The following KIAA1958 variants were observed in gnomAD, a reference collection of about 807,000 sequenced individuals.
The protein encoded by KIAA1958 is uncharacterized protein KIAA1958.
KIAA1958 carries 14 observed loss-of-function variants against 47.2 expected under a neutral mutation model. That is an observed-to-expected ratio of 0.30 (90% CI 0.20 to 0.46). The LOEUF (loss-of-function observed/expected upper bound fraction) is 0.46, where lower values mean the gene tolerates loss of function less well. Ranked by LOEUF, KIAA1958 falls within the 20% of genes least tolerant of loss-of-function variation. The pLI is 1.00. For missense variants in KIAA1958, 803 were observed against 909.2 expected (o/e 0.88, Z 1.50); for synonymous variants, 354 against 353.3 (o/e 1.00, Z -0.02).
chr9:112,540,174 A>T (rs896049133), intron 1 of KIAA1958, among the ~76,000 whole-genome samples: 2 of 152,202 alleles, frequency 1.3e-5, no homozygotes, highest in Non-Finnish European at 2.9e-5. Context: ...AGGATATATG[A>T]TAGGTTGCCA....
In KIAA1958 at chr9:112,502,187, A is replaced by G. The variant is rs148806283; in HGVS notation, c.-25+15069A>G. ...TTCTTATAAAACTTTGAAGTATAGT[A>G]TACTTACAAAAGATGAACATATCAA... On this transcript the variant is annotated intron_variant, in intron 1 of 3. Transcript: ENST00000337530. 2.9e-3 allele frequency among the ~76,000 whole-genome samples: 436 copies of G among 152,356 alleles called. 5 individuals are homozygous for G. Among genetic ancestry groups the G allele is most frequent in the Middle Eastern group, 0.014 (4 of 294 alleles).
chr9:112,580,431 C>G (rs529468779), intron 2 of KIAA1958, among the ~76,000 whole-genome samples: 1 of 151,648 alleles, frequency 6.6e-6, no homozygotes, highest in Non-Finnish European at 1.5e-5. Context: ...TATATATATA[C>G]ATAGACACAT....
intron 2 of KIAA1958, among the ~76,000 whole-genome samples, chr9:112,591,330 C>T (rs141896231): frequency 1.3e-5 from 2 of 152,018 alleles, no homozygotes; most frequent in Non-Finnish European, 2.9e-5. Context: ...ATGATCCGCC[C>T]GTCTCGGCCT....
rs928701551 is a variant in KIAA1958 at position 112,665,631 on chromosome 9, G to A, written c.*5562G>A. 1 of 152,142 alleles carries A rather than the reference G, an allele frequency of 6.6e-6. No individual in the cohort carries two copies. Among genetic ancestry groups the A allele is most frequent in the Non-Finnish European group, 1.5e-5 (1 of 68,026 alleles). The allele number at this position is 152,142 out of a possible 1,614,324, so 9.4% of individuals were successfully genotyped here. On this transcript the variant is annotated 3_prime_UTR_variant, in exon 4 of 4. Transcript: ENST00000337530. ...TATTTCATCTCTCAAGCCATACTGT[G>A]TCACCCCTCCATGTATTCTCTTACT...
chr9:112,649,129 C>A (rs1837020489), intron 3 of KIAA1958, among the ~76,000 whole-genome samples: 1 of 151,980 alleles, frequency 6.6e-6, no homozygotes, highest in African/African-American at 2.4e-5. Context: ...GCAATAGTAA[C>A]TATGTAAAAT....
chr9:112,505,940 G>A (rs999889073), intron 1 of KIAA1958, among the ~76,000 whole-genome samples: 5 of 152,196 alleles, frequency 3.3e-5, no homozygotes, highest in South Asian at 2.1e-4. Flanking sequence ...AGAACGATGC[G>A]TATGTATCCC....
At chr9:112,547,998 CTTTTTTTTTTTTTT>C (rs372918486) in intron 1 of KIAA1958, among the ~76,000 whole-genome samples, 6 of 94,582 alleles carry the variant, frequency 6.3e-5, no homozygotes, top group Non-Finnish European at 1.2e-4. Context: ...GTCAGAAAAT[CTTTTTTTTTTTTTT>C]TTTTTTTTTT....
At chr9:112,564,437 A>G (rs1835392680) in intron 1 of KIAA1958, among the ~76,000 whole-genome samples, 1 of 152,208 alleles carries the variant, frequency 6.6e-6, no homozygotes. Context: ...CAGAGAGACT[A>G]CAAGGATTTT....
chr9:112,592,625 G>T (rs1048904705), intron 2 of KIAA1958, among the ~76,000 whole-genome samples: 1 of 152,198 alleles, frequency 6.6e-6, no homozygotes, highest in African/African-American at 2.4e-5. Flanking sequence ...ACCATAAGTT[G>T]GAAGTACTTT....
At chr9:112,577,251 A>G (rs1281366036) in intron 2 of KIAA1958, among the ~76,000 whole-genome samples, 1 of 152,134 alleles carries the variant, frequency 6.6e-6, no homozygotes, top group African/African-American at 2.4e-5. Context: ...GATCCTTATC[A>G]GGTATATAAT....
At chr9:112,555,721 T>C (rs1262708239) in intron 1 of KIAA1958, among the ~76,000 whole-genome samples, 1 of 152,206 alleles carries the variant, frequency 6.6e-6, no homozygotes, top group East Asian at 1.9e-4. Context: ...CCAGCTCTTT[T>C]GTAAGGCACT....
intron 1 of KIAA1958, among the ~76,000 whole-genome samples, chr9:112,487,891 TA>T (rs1465215214): frequency 6.6e-6 from 1 of 151,474 alleles, no homozygotes; most frequent in Non-Finnish European, 1.5e-5. Flanking sequence ...ATTGGGACTT[TA>T]AAAAAAATGA....
At chr9:112,607,781 A>G (rs1588037686) in intron 2 of KIAA1958, among the ~76,000 whole-genome samples, 4 of 148,610 alleles carry the variant, frequency 2.7e-5, no homozygotes, top group Admixed American at 2.7e-4. Flanking sequence ...AAGGCAATCC[A>G]GAGACCTGTA....
chr9:112,604,999 T>G (rs1836203653), intron 2 of KIAA1958, among the ~76,000 whole-genome samples: 1 of 147,326 alleles, frequency 6.8e-6, no homozygotes, highest in African/African-American at 2.5e-5. Context: ...TATAACATAT[T>G]TTTATATGTT....
chr9:112,591,538 T>C (rs558772839), intron 2 of KIAA1958, among the ~76,000 whole-genome samples: 1 of 152,208 alleles, frequency 6.6e-6, no homozygotes, highest in Non-Finnish European at 1.5e-5. Flanking sequence ...ATTCAATATT[T>C]GATAAGTGGA....
At chr9:112,630,636 A>C (rs1003042597) in intron 2 of KIAA1958, among the ~76,000 whole-genome samples, 3 of 152,166 alleles carry the variant, frequency 2.0e-5, no homozygotes, top group Non-Finnish European at 4.4e-5. Flanking sequence ...TTTGAGCCGA[A>C]TAGGAATGGT....
At chr9:112,523,958 A>G (rs922489721) in intron 1 of KIAA1958, among the ~76,000 whole-genome samples, 1 of 152,182 alleles carries the variant, frequency 6.6e-6, no homozygotes, top group Non-Finnish European at 1.5e-5. Flanking sequence ...GCCAACTAAT[A>G]TACCCCTTCT....
At chr9:112,565,458 A>T (rs1835412442) in intron 1 of KIAA1958, among the ~76,000 whole-genome samples, 2 of 152,212 alleles carry the variant, frequency 1.3e-5, no homozygotes, top group Non-Finnish European at 2.9e-5. Flanking sequence ...TGTCTTATCC[A>T]ATCATTGCCC....
intron 1 of KIAA1958, among the ~76,000 whole-genome samples, chr9:112,555,426 C>G (rs1048319811): frequency 6.6e-6 from 1 of 152,204 alleles, no homozygotes; most frequent in Non-Finnish European, 1.5e-5. Context: ...CACCCTCCTG[C>G]CTTGATAAAT....
Sources: allele counts gnomAD v4.1 joint callset (sites outside exome capture counted in the v4.1 genomes callset), GRCh38; gene constraint gnomAD v4.1.1; transcripts MANE v1.5; gene names NCBI Gene and HGNC (gene_info 2026-07-23, HGNC 2026-07-21).